VSTM2L: variants seen among roughly 807,000 people sequenced by gnomAD.
VSTM2L encodes the protein V-set and transmembrane domain-containing protein 2-like protein.
VSTM2L carries 9 observed loss-of-function variants against 19.9 expected under a neutral mutation model. The observed-to-expected ratio is 0.45, with a 90% CI of 0.27 to 0.79. The LOEUF (loss-of-function observed/expected upper bound fraction) is 0.79. Among genes scored for constraint, VSTM2L ranks in the 30% least tolerant of loss-of-function variants. The probability of loss-of-function intolerance (pLI) is 0.15; values close to 1 mark genes in which losing one functional copy is unlikely to be tolerated. For synonymous variants in VSTM2L, 127 were observed against 133.8 expected, an observed-to-expected ratio of 0.95 and a Z score of 0.35; for missense variants, 286 against 295.5, an observed-to-expected ratio of 0.97 and a Z score of 0.24.
chr20:37,920,826 T>A (rs2072846175), intron 1 of VSTM2L, among the ~76,000 whole-genome samples: 1 of 152,228 alleles, frequency 6.6e-6, no homozygotes, highest in Non-Finnish European at 1.5e-5. Context: ...AATGAATGAT[T>A]TCTATGCCTA....
intron 1 of VSTM2L, among the ~76,000 whole-genome samples, chr20:37,921,838 C>CTTTTTTTTTTTTTT (rs756122087): frequency 3.3e-5 from 3 of 91,774 alleles, no homozygotes; most frequent in African/African-American, 5.2e-5. Flanking sequence ...CTTTCTTTTC[C>CTTTTTTTTTTTTTT]TTTTTTTTTT....
intron 1 of VSTM2L, among the ~76,000 whole-genome samples, chr20:37,909,185 C>T (rs942712636): frequency 3.3e-5 from 5 of 152,182 alleles, no homozygotes; most frequent in African/African-American, 1.2e-4. Context: ...CCCAGGAGGG[C>T]GAGCAGCAGT....
chr20:37,932,315 C>T (rs1011712143), intron 2 of VSTM2L, among the ~76,000 whole-genome samples: 12 of 152,174 alleles, frequency 7.9e-5, no homozygotes, highest in African/African-American at 2.9e-4. Flanking sequence ...CTCGTATGTA[C>T]ACACCTGTAG....
Position 37,933,580 on chromosome 20 carries a change from C to A in VSTM2L, c.333C>A (p.Thr111=), listed in dbSNP as rs745794090. The change falls in exon 3 of 4, where the codon ACC becomes ACA. Residue 111 remains threonine (T), a synonymous_variant. Coordinates refer to ENST00000373461, the MANE Select transcript of VSTM2L (RefSeq NM_080607.3). ...AGGAAGACGCAGGGAAGGAGGCAACCAAAATAAGTGTGAGTTTTGATAATG... is the reference window on the plus strand; with the variant it reads ...AGGAAGACGCAGGGAAGGAGGCAACAAAAATAAGTGTGAGTTTTGATAATG... ...SQQEDAGKEA[T]KISVVKVVGS... is the part of the protein sequence containing the mutation. 1.2e-6 allele frequency: 2 copies of A among 1,613,654 alleles called. No homozygotes were observed. Among genetic ancestry groups the A allele is most frequent in the South Asian group, 2.2e-5 (2 of 91,040 alleles).
Position 37,944,176 on chromosome 20 carries a change from GCGCCCGCCC to G in VSTM2L, c.543_551del (p.Ala182_Pro184del), listed in dbSNP as rs1436877562. 7.2e-7 allele frequency: 1 copy of G among 1,389,706 alleles called. No individual in the cohort carries two copies. The highest frequency in any genetic ancestry group is 1.5e-5 in the African/African-American group (1 of 67,054). The allele number at this position is 1,389,706 out of a possible 1,614,324, so 86.1% of individuals were successfully genotyped here. A position where few individuals can be genotyped will look rare whatever the true frequency, so the allele number is the denominator to read the frequency against. ...GCATCTGCCCGAAGCCCCTCCCGCCGCGCCCGCCCCGCCGCCCCCCAAGCCAGGCAAGGA... is the reference window on the plus strand; with the variant it reads ...GCATCTGCCCGAAGCCCCTCCCGCCGCGCCGCCCCCCAAGCCAGGCAAGGA... On this transcript the variant is annotated inframe_deletion, in exon 4 of 4. Transcript: ENST00000373461.
intron 1 of VSTM2L, among the ~76,000 whole-genome samples, chr20:37,928,818 G>A (rs947097014): frequency 2.0e-5 from 3 of 152,182 alleles, no homozygotes; most frequent in Admixed American, 6.5e-5. Flanking sequence ...AGCTGGGAGG[G>A]AAGGCTGACA....
Position 37,944,461 on chromosome 20 carries a change from G to A in VSTM2L, c.*208G>A. ...CCCTTTCAGACCCCTGCGGTGACCT[G>A]GCTCGGAGAAGGTGGCCCTGGGCAC... On this transcript the variant is annotated 3_prime_UTR_variant, in exon 4 of 4. Coordinates refer to ENST00000373461, the MANE Select transcript of VSTM2L (RefSeq NM_080607.3). 2.5e-6 allele frequency: 3 copies of A among 1,223,854 alleles called. No homozygotes were observed. The highest frequency in any genetic ancestry group is 3.1e-6 in the Non-Finnish European group (3 of 972,542). 75.8% of individuals were successfully genotyped at this position (1,223,854 alleles called of 1,614,324 possible). A position where few individuals can be genotyped will look rare whatever the true frequency, so the allele number is the denominator to read the frequency against.
Position 37,931,867 on chromosome 20 carries a change from A to G in VSTM2L, c.291+63A>G, listed in dbSNP as rs1312366079. Reference sequence around the variant, plus strand: ...AAGTCCTGGTCCCTGGGGTAGGGGTATTTCTCTGCCCCTCTTCTCCTCTGA... The same window carrying G: ...AAGTCCTGGTCCCTGGGGTAGGGGTGTTTCTCTGCCCCTCTTCTCCTCTGA... On this transcript the variant is annotated intron_variant, in intron 2 of 3. Coordinates refer to ENST00000373461, the MANE Select transcript of VSTM2L (RefSeq NM_080607.3). The G allele has an allele frequency of 3.9e-6, 6 of 1,531,682 alleles. No individual in the cohort carries two copies. The African/African-American group carries it at 6.8e-5, about 17-fold the overall frequency. The allele number at this position is 1,531,682 out of a possible 1,614,324, so 94.9% of individuals were successfully genotyped here.
chr20:37,940,047 G>A (rs931139851), intron 3 of VSTM2L, among the ~76,000 whole-genome samples: 16 of 152,184 alleles, frequency 1.1e-4, no homozygotes, highest in Non-Finnish European at 1.0e-4. Context: ...GCTGGGCCTC[G>A]CTTGGTGCTC....
Position 37,903,222 on chromosome 20 carries a change from A to C in VSTM2L, c.-129A>C. 1 of 1,160,342 alleles carries C rather than the reference A, an allele frequency of 8.6e-7. No homozygotes were observed. Among genetic ancestry groups the C allele is most frequent in the African/African-American group, 1.6e-5 (1 of 62,052 alleles). 71.9% of individuals were successfully genotyped at this position (1,160,342 alleles called of 1,614,324 possible). A position where few individuals can be genotyped will look rare whatever the true frequency, so the allele number is the denominator to read the frequency against. ...GCTGGGAGCTGGGCCGGGTCCGGGGACAGCGGGCGAGGGGCAGCTGCCGGA... is the reference window on the plus strand; with the variant it reads ...GCTGGGAGCTGGGCCGGGTCCGGGGCCAGCGGGCGAGGGGCAGCTGCCGGA... On this transcript the variant is annotated 5_prime_UTR_variant, in exon 1 of 4. Transcript: ENST00000373461.
At chr20:37,910,326 C>G (rs2122936110) in intron 1 of VSTM2L, among the ~76,000 whole-genome samples, 1 of 152,340 alleles carries the variant, frequency 6.6e-6, no homozygotes, top group Non-Finnish European at 1.5e-5. Context: ...TGGGGATCCA[C>G]AGTGTGGACA....
intron 1 of VSTM2L, among the ~76,000 whole-genome samples, chr20:37,920,833 C>A (rs1232713742): frequency 6.6e-6 from 1 of 152,222 alleles, no homozygotes; most frequent in Non-Finnish European, 1.5e-5. Context: ...GATTTCTATG[C>A]CTATTGGTTT....
chr20:37,927,099 G>A (rs1445916482), intron 1 of VSTM2L, among the ~76,000 whole-genome samples: 1 of 152,152 alleles, frequency 6.6e-6, no homozygotes, highest in Non-Finnish European at 1.5e-5. Flanking sequence ...CAAGTAGCTG[G>A]GACTACAGGC....
intron 1 of VSTM2L, among the ~76,000 whole-genome samples, chr20:37,917,065 G>C (rs2072822604): frequency 6.6e-6 from 1 of 152,158 alleles, no homozygotes; most frequent in Non-Finnish European, 1.5e-5. Flanking sequence ...TGTAATCCCA[G>C]CACTTCTGGA....
chr20:37,935,556 T>C (rs113232800), intron 3 of VSTM2L, among the ~76,000 whole-genome samples: 269 of 152,272 alleles, frequency 1.8e-3, no homozygotes, highest in African/African-American at 6.3e-3. Flanking sequence ...CTGGTCCGCC[T>C]GCCTGCAAAG....
chr20:37,938,742 T>A (rs2072954692), intron 3 of VSTM2L, among the ~76,000 whole-genome samples: 1 of 152,196 alleles, frequency 6.6e-6, no homozygotes, highest in Non-Finnish European at 1.5e-5. Context: ...TACAGCTGGG[T>A]CGCCATGCGG....
At chr20:37,927,878 A>G (rs1050937803) in intron 1 of VSTM2L, among the ~76,000 whole-genome samples, 2 of 151,878 alleles carry the variant, frequency 1.3e-5, no homozygotes, top group Admixed American at 6.6e-5. Context: ...CATGGTTCCC[A>G]CCTCACCCGT....
chr20:37,925,801 C>T (rs2072876062), intron 1 of VSTM2L, among the ~76,000 whole-genome samples: 2 of 152,204 alleles, frequency 1.3e-5, no homozygotes, highest in South Asian at 4.1e-4. Flanking sequence ...CCACAGCTAA[C>T]TCGCTTGGCT....
intron 3 of VSTM2L, among the ~76,000 whole-genome samples, chr20:37,941,678 C>G (rs534640646): frequency 1.0e-3 from 155 of 152,246 alleles, no homozygotes; most frequent in South Asian, 1.7e-3. Context: ...CCAGAAGAGA[C>G]AGACCAGTAG....
Sources: gnomAD v4.1 joint callset for allele counts (sites outside exome capture counted in the v4.1 genomes callset) on GRCh38, gnomAD v4.1.1 for gene constraint, MANE v1.5 for transcripts, NCBI Gene and HGNC (gene_info 2026-07-23, HGNC 2026-07-21) for gene names.